The following COL25A1 variants were observed in gnomAD, a reference collection of about 807,000 sequenced individuals.
The protein encoded by COL25A1 is collagen alpha-1(XXV) chain.
COL25A1 carries 103 observed loss-of-function variants against 128.4 expected under a neutral mutation model. That is an observed-to-expected ratio of 0.80 (90% CI 0.68 to 0.94). COL25A1 has a LOEUF of 0.94. Among genes scored for constraint, COL25A1 ranks in the 40% least tolerant of loss-of-function variants. COL25A1 has a pLI of 0.00. For synonymous variants in COL25A1, 279 were observed against 277.2 expected (o/e 1.01, Z -0.06); for missense variants, 745 against 840.0 (o/e 0.89, Z 1.40).
At chr4:109,014,077 T>G (rs1000257567) in intron 5 of COL25A1, among the ~76,000 whole-genome samples, 2 of 152,048 alleles carry the variant, frequency 1.3e-5, no homozygotes, top group African/African-American at 2.4e-5. Context: ...GAGGCCGAGG[T>G]GGGCGGTTCA....
At position 109,198,119 on chromosome 4, in the gene COL25A1, C is replaced by A. The variant is rs116456674; in HGVS notation, c.367+102464G>T. On this transcript the variant is annotated intron_variant, in intron 3 of 37. Coordinates refer to ENST00000399132, the MANE Select transcript of COL25A1 (RefSeq NM_198721.4). ...TTTGAACTTTTTTCATTATATCTTA[C>A]CCCGGTCGTCTCAAAGATGAGCGTG... is the stretch of plus-strand genomic sequence containing the variant. Among the ~76,000 whole-genome samples the A allele has an allele frequency of 7.1e-3, 1,084 of 152,102 alleles. 16 individuals carry two copies. The highest frequency in any genetic ancestry group is 0.024 in the African/African-American group (997 of 41,490).
Position 108,851,644 on chromosome 4 carries a change from G to T in COL25A1, c.1389+592C>A, listed in dbSNP as rs551838629. Among the ~76,000 whole-genome samples the T allele has an allele frequency of 2.0e-5, 3 of 152,272 alleles. No individual in the cohort carries two copies. In the South Asian group the frequency reaches 6.2e-4, roughly 32 times the overall value. ...GAATGACTAAGCTTCAGTTTGGAGG[G>T]ATAAAGCCATCAACAAAGTTTAGAT... is the stretch of plus-strand genomic sequence containing the variant. On this transcript the variant is annotated intron_variant, in intron 26 of 37. Coordinates refer to ENST00000399132, the MANE Select transcript of COL25A1 (RefSeq NM_198721.4).
At chr4:108,853,024 G>T (rs1735977736) in intron 24 of COL25A1, 99 bp from the exon 25 acceptor site, 2 of 1,041,004 alleles carry the variant, frequency 1.9e-6, no homozygotes, top group Non-Finnish European at 2.9e-6. Flanking sequence ...AATATGTTTG[G>T]CTAGTCTGAT....
At chr4:109,187,253 T>TTCC (rs1467001598) in intron 3 of COL25A1, among the ~76,000 whole-genome samples, 1 of 151,846 alleles carries the variant, frequency 6.6e-6, no homozygotes, top group East Asian at 1.9e-4. Context: ...CATCTTCTTC[T>TTCC]CAAAGACTTC....
Position 108,844,487 on chromosome 4 carries a change from G to A in COL25A1, c.1629+32C>T, listed in dbSNP as rs373716495. The A allele has an allele frequency of 5.0e-6, 8 of 1,613,934 alleles. No individual in the cohort carries two copies. The African/African-American group carries it at 1.1e-4, about 22-fold the overall frequency. On this transcript the variant is annotated intron_variant, in intron 30 of 37. Coordinates refer to ENST00000399132, the MANE Select transcript of COL25A1 (RefSeq NM_198721.4). Reference sequence around the variant, plus strand: ...TCTCTAGCAGCATGCTCATAAATAAGCAATTACATTTCAGAAAGAAGGGAA... The same window carrying A: ...TCTCTAGCAGCATGCTCATAAATAAACAATTACATTTCAGAAAGAAGGGAA...
At chr4:108,993,875 A>C (rs1754479683) in intron 6 of COL25A1, among the ~76,000 whole-genome samples, 1 of 151,724 alleles carries the variant, frequency 6.6e-6, no homozygotes, top group African/African-American at 2.4e-5. Flanking sequence ...AAAAAAAAAC[A>C]AGAAATTAGG....
intron 6 of COL25A1, among the ~76,000 whole-genome samples, chr4:108,976,190 T>C (rs1192855396): frequency 2.0e-5 from 3 of 152,202 alleles, no homozygotes; most frequent in Non-Finnish European, 4.4e-5. Flanking sequence ...TTAGCTAAAG[T>C]TTATTTTATA....
intron 3 of COL25A1, among the ~76,000 whole-genome samples, chr4:109,251,372 C>G (rs1367722886): frequency 6.6e-6 from 1 of 152,160 alleles, no homozygotes; most frequent in Non-Finnish European, 1.5e-5. Context: ...CCTGAAGGAT[C>G]TAGGCTGTTA....
intron 9 of COL25A1, 136 bp from the exon 10 acceptor site, chr4:108,940,782 G>T (rs1747997748): frequency 8.4e-6 from 5 of 595,514 alleles, no homozygotes; most frequent in Non-Finnish European, 1.4e-5. Flanking sequence ...CAAATATAAA[G>T]CCTGTAGGCA....
chr4:109,136,170 G>A (rs972242842), intron 3 of COL25A1, among the ~76,000 whole-genome samples: 2 of 152,126 alleles, frequency 1.3e-5, no homozygotes, highest in African/African-American at 2.4e-5. Context: ...AGCCAAGGCG[G>A]GTGGATCACC....
intron 3 of COL25A1, among the ~76,000 whole-genome samples, chr4:109,131,516 T>C (rs1464588578): frequency 6.6e-6 from 1 of 152,208 alleles, no homozygotes; most frequent in Non-Finnish European, 1.5e-5. Context: ...ACACCACATA[T>C]TTCATAGCTA....
At chr4:109,269,047 G>C (rs1781994422) in intron 3 of COL25A1, among the ~76,000 whole-genome samples, 1 of 149,546 alleles carries the variant, frequency 6.7e-6, no homozygotes, top group Non-Finnish European at 1.5e-5. Context: ...TCGTCATCTA[G>C]CATTAGGTAT....
intron 8 of COL25A1, among the ~76,000 whole-genome samples, chr4:108,959,970 T>C (rs1750492140): frequency 6.6e-6 from 1 of 152,136 alleles, no homozygotes; most frequent in Admixed American, 6.6e-5. Flanking sequence ...TTTTGAATAA[T>C]TGCAAATGAC....
intron 18 of COL25A1, among the ~76,000 whole-genome samples, chr4:108,886,717 T>C (rs564639316): frequency 3.9e-5 from 6 of 152,248 alleles, no homozygotes; most frequent in Admixed American, 2.0e-4. Context: ...ATTTGATTCG[T>C]TATCCCATTC....
intron 3 of COL25A1, among the ~76,000 whole-genome samples, chr4:109,164,693 A>C (rs1772903091): frequency 6.6e-6 from 1 of 152,154 alleles, no homozygotes; most frequent in Admixed American, 6.5e-5. Context: ...AAAGGATAGG[A>C]CCAAATAAAA....
chr4:108,856,852 G>A (rs781113841), intron 24 of COL25A1, among the ~76,000 whole-genome samples: 23 of 151,866 alleles, frequency 1.5e-4, no homozygotes, highest in Non-Finnish European at 3.4e-4. Flanking sequence ...AAAGTGTTCA[G>A]AAGCTCTGAA....
intron 19 of COL25A1, among the ~76,000 whole-genome samples, chr4:108,874,324 A>T (rs1739166702): frequency 6.6e-6 from 1 of 152,230 alleles, no homozygotes; most frequent in African/African-American, 2.4e-5. Flanking sequence ...TCCCTTAATG[A>T]ATGGGACATA....
At chr4:109,071,287 A>G (rs1471809539) in intron 3 of COL25A1, among the ~76,000 whole-genome samples, 2 of 152,236 alleles carry the variant, frequency 1.3e-5, no homozygotes, top group Non-Finnish European at 1.5e-5. Context: ...ACCTTATACA[A>G]AAATTAATTC....
At chr4:108,836,426 G>C (rs2125739907) in intron 31 of COL25A1, among the ~76,000 whole-genome samples, 1 of 152,298 alleles carries the variant, frequency 6.6e-6, no homozygotes, top group African/African-American at 2.4e-5. Flanking sequence ...GCCAGGCATA[G>C]TGGCTCACAG....
Sources: gnomAD v4.1 joint callset for allele counts (sites outside exome capture counted in the v4.1 genomes callset) on GRCh38, gnomAD v4.1.1 for gene constraint, MANE v1.5 for transcripts, NCBI Gene and HGNC (gene_info 2026-07-23, HGNC 2026-07-21) for gene names.